The following KAT6B variants were observed in gnomAD, a reference collection of about 807,000 sequenced individuals.
KAT6B encodes the protein lysine acetyltransferase 6B, also known as histone acetyltransferase KAT6B.
KAT6B carries 10 observed loss-of-function variants against 187.5 expected under a neutral mutation model. That is an observed-to-expected ratio of 0.05 (90% CI 0.03 to 0.09). The LOEUF (loss-of-function observed/expected upper bound fraction) is 0.09. KAT6B is among the 10% of genes least tolerant of loss of function. The pLI is 1.00. For synonymous variants in KAT6B, 861 were observed against 926.8 expected (o/e 0.93, Z 1.29); for missense variants, 1,952 against 2,558.9 (o/e 0.76, Z 5.12).
intron 3 of KAT6B, among the ~76,000 whole-genome samples, chr10:74,922,378 G>C (rs1039172150): frequency 1.3e-5 from 2 of 151,984 alleles, no homozygotes; most frequent in Non-Finnish European, 2.9e-5. Flanking sequence ...TGCCCTCCAG[G>C]AGCCCTTCAT....
chr10:74,857,220 G>A (rs184889909), intron 3 of KAT6B, among the ~76,000 whole-genome samples: 19 of 152,238 alleles, frequency 1.2e-4, no homozygotes, highest in Admixed American at 2.0e-4. Context: ...CTTACAGTTC[G>A]GTAGGTCAGA....
intron 4 of KAT6B, among the ~76,000 whole-genome samples, chr10:74,961,421 C>A (rs1339265017): frequency 6.6e-6 from 1 of 152,158 alleles, no homozygotes; most frequent in Admixed American, 6.5e-5. Flanking sequence ...ACTTTAAAAA[C>A]ACCCTTCCCT....
chr10:75,018,772 A>T (rs531425245), intron 13 of KAT6B, among the ~76,000 whole-genome samples: 1 of 152,272 alleles, frequency 6.6e-6, no homozygotes, highest in East Asian at 1.9e-4. Flanking sequence ...TCAAATAAGC[A>T]CCAGTAGAGG....
chr10:75,012,763 AGAACCATG>A (rs779079652), intron 13 of KAT6B, among the ~76,000 whole-genome samples: 7 of 152,228 alleles, frequency 4.6e-5, no homozygotes, highest in Non-Finnish European at 8.8e-5. Flanking sequence ...ACCTACCCAC[AGAACCATG>A]GAACCATCTG....
chr10:74,959,719 G>T (rs945446263), intron 3 of KAT6B, among the ~76,000 whole-genome samples: 1 of 152,216 alleles, frequency 6.6e-6, no homozygotes, highest in African/African-American at 2.4e-5. Flanking sequence ...GAACCCGGGA[G>T]GTGGAGGTTG....
intron 3 of KAT6B, among the ~76,000 whole-genome samples, chr10:74,869,708 A>G (rs1305397930): frequency 6.6e-6 from 1 of 152,212 alleles, no homozygotes; most frequent in Admixed American, 6.5e-5. Context: ...ATTATAGTCT[A>G]ATTATGTATT....
chr10:74,867,276 T>A (rs188405726), intron 3 of KAT6B, among the ~76,000 whole-genome samples: 45 of 152,348 alleles, frequency 3.0e-4, no homozygotes, highest in African/African-American at 1.1e-3. Flanking sequence ...TTTCTTACTC[T>A]GAAGTTGCTC....
intron 3 of KAT6B, among the ~76,000 whole-genome samples, chr10:74,900,937 AATACTCC>A (rs1233005460): frequency 6.6e-6 from 1 of 152,196 alleles, no homozygotes; most frequent in Non-Finnish European, 1.5e-5. Flanking sequence ...TCATTCACCT[AATACTCC>A]ATGAAAGTAT....
intron 3 of KAT6B, among the ~76,000 whole-genome samples, chr10:74,914,676 G>A (rs1036861716): frequency 5.3e-5 from 8 of 152,184 alleles, no homozygotes; most frequent in Non-Finnish European, 8.8e-5. Flanking sequence ...TGCATAGTTA[G>A]GATATGATTC....
chr10:74,953,329 T>C (rs1465487579), intron 3 of KAT6B, among the ~76,000 whole-genome samples: 2 of 152,242 alleles, frequency 1.3e-5, no homozygotes, highest in Non-Finnish European at 2.9e-5. Flanking sequence ...TTGCTCTTTC[T>C]GTTTTTATAG....
chr10:74,952,789 T>A (rs1840403417), intron 3 of KAT6B, among the ~76,000 whole-genome samples: 1 of 150,120 alleles, frequency 6.7e-6, no homozygotes, highest in African/African-American at 2.5e-5. Flanking sequence ...CGGGTTCAAG[T>A]GATTCTTCTG....
chr10:74,973,023 C>CT (rs1200147651), intron 7 of KAT6B, among the ~76,000 whole-genome samples: 1 of 152,164 alleles, frequency 6.6e-6, no homozygotes, highest in Non-Finnish European at 1.5e-5. Flanking sequence ...TAGCAAATCT[C>CT]TTTTGTCACT....
At chr10:74,952,067 G>T (rs956755840) in intron 3 of KAT6B, among the ~76,000 whole-genome samples, 3 of 152,124 alleles carry the variant, frequency 2.0e-5, no homozygotes, top group African/African-American at 7.2e-5. Flanking sequence ...TAAAGCCAAG[G>T]TATGGAGCCG....
At chr10:74,893,698 G>A (rs1347324868) in intron 3 of KAT6B, among the ~76,000 whole-genome samples, 3 of 152,010 alleles carry the variant, frequency 2.0e-5, no homozygotes, top group African/African-American at 7.2e-5. Context: ...TTGAACTCCC[G>A]ATCTCAGGTG....
intron 13 of KAT6B, among the ~76,000 whole-genome samples, chr10:75,002,046 C>T (rs1843873000): frequency 6.6e-6 from 1 of 152,170 alleles, no homozygotes; most frequent in Non-Finnish European, 1.5e-5. Context: ...AGGGCTGTGC[C>T]TCCCAAGACA....
chr10:74,935,900 A>T (rs780611586), intron 3 of KAT6B, among the ~76,000 whole-genome samples: 3 of 152,208 alleles, frequency 2.0e-5, no homozygotes, highest in Non-Finnish European at 4.4e-5. Context: ...AATTTTTTTT[A>T]AAAGGATAGT....
intron 11 of KAT6B, 68 bp downstream of exon 11, chr10:74,981,996 T>TGA (rs1477134470): frequency 5.6e-6 from 8 of 1,418,120 alleles, no homozygotes; most frequent in Non-Finnish European, 8.0e-6. Flanking sequence ...GACTATGTGC[T>TGA]GATTTGTGTT....
chr10:74,840,351 A>T (rs1473064962), intron 2 of KAT6B, among the ~76,000 whole-genome samples: 1 of 152,202 alleles, frequency 6.6e-6, no homozygotes, highest in Non-Finnish European at 1.5e-5. Context: ...TGGAGGTAGC[A>T]TGGGGTTTTG....
chr10:75,017,291 A>C (rs1845046251), intron 13 of KAT6B, among the ~76,000 whole-genome samples: 1 of 152,198 alleles, frequency 6.6e-6, no homozygotes, highest in Non-Finnish European at 1.5e-5. Flanking sequence ...TCTTACCAAA[A>C]ATTTTTCTTC....
Sources: allele counts gnomAD v4.1 joint callset (sites outside exome capture counted in the v4.1 genomes callset), GRCh38; gene constraint gnomAD v4.1.1; transcripts MANE v1.5; gene names NCBI Gene and HGNC (gene_info 2026-07-23, HGNC 2026-07-21).